The following SNRPC variants were observed in gnomAD, a reference collection of about 807,000 sequenced individuals.
SNRPC encodes small nuclear ribonucleoprotein polypeptide C.
SNRPC carries 5 observed loss-of-function variants against 20.0 expected under a neutral mutation model. The ratio of observed to expected loss-of-function variants is 0.25; its 90% CI spans 0.13 to 0.53. The LOEUF (loss-of-function observed/expected upper bound fraction) is 0.53. Among genes scored for constraint, SNRPC ranks in the 20% least tolerant of loss-of-function variants. SNRPC has a pLI of 0.96. For synonymous variants in SNRPC, 61 were observed against 58.7 expected (o/e 1.04, Z -0.18); for missense variants, 112 against 224.1 (o/e 0.50, Z 3.19).
At chr6:34,758,072 T>A in intron 2 of SNRPC, 118 bp downstream of exon 2, 2 of 1,068,260 alleles carry the variant, frequency 1.9e-6, no homozygotes, top group African/African-American at 3.2e-5. Context: ...TAAGGTCTAC[T>A]CCTTGAAGAA....
intron 4 of SNRPC, among the ~76,000 whole-genome samples, chr6:34,769,715 T>C (rs991626138): frequency 6.6e-5 from 10 of 152,140 alleles, no homozygotes; most frequent in Non-Finnish European, 1.0e-4. Flanking sequence ...CCTTGTTTTG[T>C]TTTTTTAAAT....
intron 2 of SNRPC, among the ~76,000 whole-genome samples, chr6:34,761,997 TG>T (rs2127406014): frequency 6.6e-6 from 1 of 152,202 alleles, no homozygotes; most frequent in East Asian, 1.9e-4. Flanking sequence ...AGAGAGAAGC[TG>T]TAGCCAATAT....
intron 3 of SNRPC, among the ~76,000 whole-genome samples, chr6:34,766,307 C>T (rs1764612844): frequency 6.6e-6 from 1 of 152,066 alleles, no homozygotes; most frequent in Non-Finnish European, 1.5e-5. Context: ...CTCAAGCATT[C>T]CTCCTGCCTC....
chr6:34,768,118 T>G, intron 4 of SNRPC, 121 bp downstream of exon 4: 1 of 666,886 alleles, frequency 1.5e-6, no homozygotes, highest in Non-Finnish European at 2.4e-6. Context: ...GTAATATAAA[T>G]GTATAAATAT....
At chr6:34,769,909 A>C (rs1294638388) in intron 4 of SNRPC, among the ~76,000 whole-genome samples, 1 of 152,146 alleles carries the variant, frequency 6.6e-6, no homozygotes, top group African/African-American at 2.4e-5. Flanking sequence ...AGTTCATGAG[A>C]TCCTTTTAGT....
Position 34,767,952 on chromosome 6 carries a change from G to GCTC in SNRPC, c.214_216dup (p.Pro72dup), listed in dbSNP as rs770092925. 6.2e-7 allele frequency: 1 copy of GCTC among 1,600,380 alleles called. No individual in the cohort carries two copies. The highest frequency in any genetic ancestry group is 8.5e-7 in the Non-Finnish European group (1 of 1,176,810). On this transcript the variant is annotated inframe_insertion, in exon 4 of 6. Coordinates refer to ENST00000244520, the MANE Select transcript of SNRPC (RefSeq NM_003093.3). The stretch of plus-strand genomic sequence containing the variant: ...AAAGATACCTCCTACTCCATTCTCT[G>GCTC]CTCCTCCTCCTGCAGGGGCGATGAT...
At position 34,770,406 on chromosome 6, in the gene SNRPC, ATGTC is replaced by A. The variant is rs1764671710; in HGVS notation, c.355+17_355+20del. 3.3e-6 allele frequency: 5 copies of A among 1,534,062 alleles called. No homozygotes were observed. Among genetic ancestry groups the A allele is most frequent in the East Asian group, 2.2e-5 (1 of 44,524 alleles). On this transcript the variant is annotated intron_variant, in intron 5 of 5. Transcript: ENST00000244520. ...TGCCAGTGGGACCTGGTAAGTTTGA[ATGTC>A]TGTCTTTCTAGTTTGTTCCATTTAG...
intron 3 of SNRPC, among the ~76,000 whole-genome samples, chr6:34,765,120 A>G (rs956557795): frequency 6.6e-6 from 1 of 152,024 alleles, no homozygotes; most frequent in Non-Finnish European, 1.5e-5. Context: ...CATTTATTCT[A>G]AGTTTCTCAA....
chr6:34,773,302 C>A lies in SNRPC; in HGVS notation c.356-144C>A, dbSNP rs1764711713. ...ATTTACAGATGTGATAAATTTGTTGCATTTCTTCTGTCACGTGTGTCTTTT... is the reference window on the plus strand; with the variant it reads ...ATTTACAGATGTGATAAATTTGTTGAATTTCTTCTGTCACGTGTGTCTTTT... On this transcript the variant is annotated intron_variant, in intron 5 of 5. Coordinates refer to ENST00000244520, the MANE Select transcript of SNRPC (RefSeq NM_003093.3). This position sits in a 1 kb window ranked among gnomAD's most constrained non-coding sequence, Gnocchi z 4.1. 5 of 632,934 alleles carry A rather than the reference C, an allele frequency of 7.9e-6. No individual in the cohort carries two copies. Among genetic ancestry groups the A allele is most frequent in the Non-Finnish European group, 1.3e-5 (5 of 372,376 alleles). The allele number at this position is 632,934 out of a possible 1,614,324, so 39.2% of individuals were successfully genotyped here. A position where few individuals can be genotyped will look rare whatever the true frequency, so the allele number is the denominator to read the frequency against.
intron 3 of SNRPC, among the ~76,000 whole-genome samples, chr6:34,767,254 C>G (rs1480773399): frequency 2.0e-5 from 3 of 152,154 alleles, no homozygotes; most frequent in Admixed American, 2.0e-4. Flanking sequence ...CTTTTTCAAA[C>G]AAAACTATGA....
At chr6:34,772,203 C>G (rs1561792372) in intron 5 of SNRPC, among the ~76,000 whole-genome samples, 1 of 152,116 alleles carries the variant, frequency 6.6e-6, no homozygotes, top group South Asian at 2.1e-4. Context: ...GTTCATTATA[C>G]TCTTCTTTAC....
rs1160573959 is a variant in SNRPC, at chr6:34,762,837, CAGA to C, written c.160+137_160+139del. 2.1e-5 allele frequency: 13 copies of C among 631,646 alleles called. No homozygotes were observed. In the East Asian group the frequency reaches 3.5e-4, roughly 17 times the overall value. 39.1% of individuals were successfully genotyped at this position (631,646 alleles called of 1,614,324 possible). A position where few individuals can be genotyped will look rare whatever the true frequency, so the allele number is the denominator to read the frequency against. On this transcript the variant is annotated intron_variant, in intron 3 of 5. Transcript: ENST00000244520. Reference sequence around the variant, plus strand: ...ATTTGGATGTGTCGAATGAAAGAAGCAGAAGGTCATTGGTTTCCCAAGGATATA... The same window carrying C: ...ATTTGGATGTGTCGAATGAAAGAAGCAGGTCATTGGTTTCCCAAGGATATA...
intron 4 of SNRPC, among the ~76,000 whole-genome samples, chr6:34,769,774 C>T (rs981711937): frequency 6.6e-6 from 1 of 152,050 alleles, no homozygotes; most frequent in African/African-American, 2.4e-5. Context: ...TTATTTTATT[C>T]TCCTGTCTAG....
chr6:34,772,797 T>G (rs1438578490), intron 5 of SNRPC: 1 of 152,218 alleles, frequency 6.6e-6, no homozygotes, highest in African/African-American at 2.4e-5. Flanking sequence ...CTGGCTCATT[T>G]ATTTGGCTGG....
rs543409359 is a variant in SNRPC at position 34,761,258 on chromosome 6, G to A, written c.52-1337G>A. On this transcript the variant is annotated intron_variant, in intron 2 of 5. Transcript: ENST00000244520. ...AGATTCAAGTGATTCTCCTGCCTCAGCCTCCCGAGTAGCTGGGATTACAGG... is the reference window on the plus strand; with the variant it reads ...AGATTCAAGTGATTCTCCTGCCTCAACCTCCCGAGTAGCTGGGATTACAGG... Among the ~76,000 whole-genome samples the A allele has an allele frequency of 7.9e-5, 12 of 151,602 alleles. No homozygotes were observed. In the South Asian group the frequency reaches 2.3e-3, roughly 29 times the overall value.
rs146099260 is a variant in SNRPC at position 34,772,778 on chromosome 6, C to T, written c.356-668C>T. Among the ~76,000 whole-genome samples, 1,118 of 152,254 alleles carry T rather than the reference C, an allele frequency of 7.3e-3. 21 individuals are homozygous for T. Among genetic ancestry groups the T allele is most frequent in the African/African-American group, 0.026 (1,062 of 41,532 alleles). ...TTCCTCCCCTACCCCTCTGCCTGCC[C>T]TCCCCTCCCTGGCTCATTTATTTGG... On this transcript the variant is annotated intron_variant, in intron 5 of 5. Transcript: ENST00000244520.
Position 34,771,716 on chromosome 6 carries a change from A to G in SNRPC, c.355+1321A>G, listed in dbSNP as rs572191408. ...AACTCTTCTGGAAAAACAAGCTGCAAAGTTACTAGAGTAGCTTCCTAGGCA... is the reference window on the plus strand; with the variant it reads ...AACTCTTCTGGAAAAACAAGCTGCAGAGTTACTAGAGTAGCTTCCTAGGCA... On this transcript the variant is annotated intron_variant, in intron 5 of 5. Coordinates refer to ENST00000244520, the MANE Select transcript of SNRPC (RefSeq NM_003093.3). Among the ~76,000 whole-genome samples, 9 of 152,318 alleles carry G rather than the reference A, an allele frequency of 5.9e-5. 1 individual carries two copies. The South Asian group carries it at 1.0e-3, about 18-fold the overall frequency.
At chr6:34,764,595 G>A (rs1234355884) in intron 3 of SNRPC, among the ~76,000 whole-genome samples, 3 of 152,002 alleles carry the variant, frequency 2.0e-5, no homozygotes, top group African/African-American at 7.2e-5. Context: ...CCCAGGAAGC[G>A]GAGGTTGCAG....
In SNRPC at chr6:34,769,229, C is replaced by CTT. The variant is rs11408407; in HGVS notation, c.251-1045_251-1044dup. Among the ~76,000 whole-genome samples the CTT allele has an allele frequency of 3.8e-3, 495 of 129,088 alleles. 6 individuals are homozygous for CTT. The highest frequency in any genetic ancestry group is 0.012 in the African/African-American group (390 of 33,622). The allele number at this position is 129,088 out of a possible 152,430, so 84.7% of individuals were successfully genotyped here. ...ATTTACCTCACTATTTTCTTTCTTT[C>CTT]TTTTTTTTTTTTTTTTTTGAGACAG... On this transcript the variant is annotated intron_variant, in intron 4 of 5. Transcript: ENST00000244520.
Sources: gnomAD v4.1 joint callset for allele counts (sites outside exome capture counted in the v4.1 genomes callset) on GRCh38, gnomAD v4.1.1 for gene constraint, Gnocchi (gnomAD v3.1) non-coding constraint, MANE v1.5 for transcripts, NCBI Gene and HGNC (gene_info 2026-07-23, HGNC 2026-07-21) for gene names.